IGSF11: variants seen among roughly 807,000 people sequenced by gnomAD.
IGSF11 encodes the protein CXADR like 1.
A neutral mutation model predicts 41.0 loss-of-function variants in IGSF11; 22 were observed. That is an observed-to-expected ratio of 0.54 (90% CI 0.38 to 0.77). IGSF11 has a LOEUF of 0.77. Among genes scored for constraint, IGSF11 ranks in the 30% least tolerant of loss-of-function variants. The pLI is 0.00. For synonymous variants in IGSF11, 219 were observed against 201.3 expected, an observed-to-expected ratio of 1.09 and a Z score of -0.74; for missense variants, 444 against 530.8, an observed-to-expected ratio of 0.84 and a Z score of 1.61.
intron 1 of IGSF11, among the ~76,000 whole-genome samples, chr3:119,113,745 G>A (rs992009755): frequency 3.7e-4 from 56 of 152,242 alleles, no homozygotes; most frequent in Middle Eastern, 6.3e-3. Flanking sequence ...CCCCAGTGGG[G>A]ACTCTGTGTG....
At chr3:118,994,299 A>G (rs553484867) in intron 1 of IGSF11, among the ~76,000 whole-genome samples, 22 of 152,298 alleles carry the variant, frequency 1.4e-4, no homozygotes, top group African/African-American at 5.3e-4. Flanking sequence ...GGTTCCATTT[A>G]CTTCAGTAAA....
intron 1 of IGSF11, among the ~76,000 whole-genome samples, chr3:119,113,487 A>C (rs970426883): frequency 1.3e-5 from 2 of 152,224 alleles, no homozygotes; most frequent in Non-Finnish European, 2.9e-5. Context: ...TAAATCTTAA[A>C]GCTTCAAAAT....
rs954649592 is a variant in IGSF11, at chr3:119,088,248, A to C, written c.49+16896T>G. On this transcript the variant is annotated intron_variant, in intron 1 of 6. Transcript: ENST00000354673. ...TCTGTGGACCACGGTGAAAAAAAAA[A>C]ACAGAAATCAATATCAAGAAGATCT... Among the ~76,000 whole-genome samples, 13 of 152,302 alleles carry C rather than the reference A, an allele frequency of 8.5e-5. No homozygotes were observed. In the East Asian group the frequency reaches 2.5e-3, roughly 29 times the overall value.
intron 4 of IGSF11, among the ~76,000 whole-genome samples, chr3:118,908,588 AT>A (rs1404692023): frequency 1.3e-5 from 2 of 152,186 alleles, no homozygotes; most frequent in East Asian, 3.8e-4. Flanking sequence ...GAATAAATAT[AT>A]TTTTTAGCTT....
Position 118,960,078 on chromosome 3 carries a change from G to A in IGSF11, c.53-29803C>T, listed in dbSNP as rs546304918. On this transcript the variant is annotated intron_variant, in intron 1 of 6. Coordinates refer to ENST00000393775, the MANE Select transcript of IGSF11 (RefSeq NM_001015887.3). ...AAAAAAAAGAAATAACAAATGTGTC[G>A]AACAAAAAGGTTATACACCCAGGTA... Among the ~76,000 whole-genome samples the A allele has an allele frequency of 6.9e-4, 104 of 151,204 alleles. 1 individual carries two copies. Among genetic ancestry groups the A allele is most frequent in the South Asian group, 1.3e-3 (6 of 4,776 alleles).
At chr3:118,928,776 A>C in intron 2 of IGSF11, 60 bp from the exon 3 acceptor site, 4 of 1,252,116 alleles carry the variant, frequency 3.2e-6, no homozygotes, top group Non-Finnish European at 4.5e-6. Context: ...ACACAAAACA[A>C]TAACTATTTG....
At chr3:118,953,544 C>T (rs1005662757) in intron 1 of IGSF11, among the ~76,000 whole-genome samples, 1 of 152,308 alleles carries the variant, frequency 6.6e-6, no homozygotes, top group South Asian at 2.1e-4. Context: ...TCCCTTTCTA[C>T]CTCATCCATG....
intron 1 of IGSF11, among the ~76,000 whole-genome samples, chr3:119,056,017 C>G (rs959243377): frequency 2.6e-5 from 4 of 152,048 alleles, no homozygotes; most frequent in Admixed American, 1.3e-4. Flanking sequence ...CAAGAGAAAG[C>G]AGGAAAGATC....
intron 1 of IGSF11, among the ~76,000 whole-genome samples, chr3:119,118,489 C>G (rs538674676): frequency 6.8e-4 from 103 of 152,358 alleles, no homozygotes; most frequent in African/African-American, 2.1e-3. Flanking sequence ...GCACACAGCA[C>G]AGGAACCTTG....
At chr3:119,014,120 C>T (rs886860793) in intron 1 of IGSF11, among the ~76,000 whole-genome samples, 2 of 152,134 alleles carry the variant, frequency 1.3e-5, no homozygotes, top group African/African-American at 4.8e-5. Context: ...GCTACACCAC[C>T]CCCTCGGGTA....
Position 118,946,204 on chromosome 3 carries a change from G to GCACACA in IGSF11, c.53-15935_53-15930dup, listed in dbSNP as rs148772016. Among the ~76,000 whole-genome samples the GCACACA allele has an allele frequency of 3.6e-5, 5 of 140,726 alleles. 1 individual carries two copies. The highest frequency in any genetic ancestry group is 2.1e-4 in the East Asian group (1 of 4,824). 92.3% of individuals were successfully genotyped at this position (140,726 alleles called of 152,430 possible). A position where few individuals can be genotyped will look rare whatever the true frequency, so the allele number is the denominator to read the frequency against. The stretch of plus-strand genomic sequence containing the variant: ...TTAACCATTGGCTACACACACACAC[G>GCACACA]CACACACACACACACACACACAAAC... On this transcript the variant is annotated intron_variant, in intron 1 of 6. Coordinates refer to ENST00000393775, the MANE Select transcript of IGSF11 (RefSeq NM_001015887.3).
intron 1 of IGSF11, among the ~76,000 whole-genome samples, chr3:119,142,654 GGAGA>G (rs970831744): frequency 1.1e-4 from 17 of 151,980 alleles, no homozygotes; most frequent in Non-Finnish European, 1.8e-4. Flanking sequence ...CAGAAAAAGA[GGAGA>G]GAGAGAAAGG....
chr3:118,983,852 T>C (rs1934985775), intron 1 of IGSF11, among the ~76,000 whole-genome samples: 1 of 152,202 alleles, frequency 6.6e-6, no homozygotes, highest in Non-Finnish European at 1.5e-5. Context: ...ATTATTTTTA[T>C]TTTTTTCTAT....
In IGSF11 at chr3:118,945,886, A is replaced by G. The variant is rs1210784239; in HGVS notation, c.53-15611T>C. On this transcript the variant is annotated intron_variant, in intron 1 of 6. Coordinates refer to ENST00000393775, the MANE Select transcript of IGSF11 (RefSeq NM_001015887.3). ...TGCCTAGATTAAAATGATGAAAGTC[A>G]TCAACCTTAAAAGAAGCAAAAAAGA... 5 of 152,350 alleles carry G rather than the reference A, an allele frequency of 3.3e-5. No individual in the cohort carries two copies. The East Asian group carries it at 9.6e-4, about 29-fold the overall frequency. The allele number at this position is 152,350 out of a possible 1,614,324, so 9.4% of individuals were successfully genotyped here.
chr3:119,055,697 T>C (rs1284668720), intron 1 of IGSF11, among the ~76,000 whole-genome samples: 1 of 152,058 alleles, frequency 6.6e-6, no homozygotes, highest in Non-Finnish European at 1.5e-5. Context: ...CACACTTATT[T>C]GAAAATTGGC....
intron 1 of IGSF11, among the ~76,000 whole-genome samples, chr3:118,938,451 T>G (rs1943441861): frequency 6.6e-6 from 1 of 152,210 alleles, no homozygotes; most frequent in Non-Finnish European, 1.5e-5. Flanking sequence ...GTCTGACTCC[T>G]GTGGGCATTT....
intron 1 of IGSF11, among the ~76,000 whole-genome samples, chr3:119,049,630 C>G (rs866141643): frequency 6.6e-6 from 1 of 151,944 alleles, no homozygotes; most frequent in Admixed American, 6.6e-5. Flanking sequence ...ACTTTCTTCA[C>G]AGAATTGGAA....
chr3:119,066,011 G>A (rs1942221964), intron 1 of IGSF11, among the ~76,000 whole-genome samples: 1 of 151,916 alleles, frequency 6.6e-6, no homozygotes, highest in Non-Finnish European at 1.5e-5. Context: ...TCTTCTTTCA[G>A]CTTTGGTTAG....
intron 1 of IGSF11, among the ~76,000 whole-genome samples, chr3:119,142,711 A>C (rs1406682208): frequency 1.3e-5 from 2 of 152,188 alleles, no homozygotes; most frequent in African/African-American, 4.8e-5. Flanking sequence ...AAAATGTTAC[A>C]AATTTGATAA....
Sources: gnomAD v4.1 joint callset for allele counts (sites outside exome capture counted in the v4.1 genomes callset) on GRCh38, gnomAD v4.1.1 for gene constraint, MANE v1.5 for transcripts, NCBI Gene and HGNC (gene_info 2026-07-23, HGNC 2026-07-21) for gene names.